Variants in GRM7 observed in about 807,000 individuals in gnomAD.
GRM7 encodes the protein glutamate metabotropic receptor 7.
Under a neutral mutation model 84.5 loss-of-function variants are expected in GRM7, and 35 were observed. The ratio of observed to expected loss-of-function variants is 0.41; its 90% CI spans 0.32 to 0.55. The LOEUF is 0.55. Ranked by LOEUF, GRM7 falls within the 20% of genes least tolerant of loss-of-function variation. The pLI is 0.19. For missense variants in GRM7, 1,003 were observed against 1,194.6 expected, an observed-to-expected ratio of 0.84 and a Z score of 2.36; for synonymous variants, 487 against 455.1, an observed-to-expected ratio of 1.07 and a Z score of -0.89.
chr3:7,727,546 G>C (rs572722196), intron 9 of GRM7, among the ~76,000 whole-genome samples: 46 of 152,288 alleles, frequency 3.0e-4, no homozygotes, highest in Middle Eastern at 3.4e-3. Context: ...TGTAACTCCA[G>C]AGTTCTAGTG....
chr3:7,398,860 G>C (rs1695327920), intron 4 of GRM7, among the ~76,000 whole-genome samples: 1 of 151,994 alleles, frequency 6.6e-6, no homozygotes, highest in South Asian at 2.1e-4. Flanking sequence ...TAAGCTTTGA[G>C]ATTCTATGAT....
rs1174647125 is a variant in GRM7 at position 6,861,563 on chromosome 3, G to T, written c.175G>T (p.Ala59Ser). ...CCTCGGGGGGCTGTTCCCCGTGCAC[G>T]CCAAGGGTCCCAGCGGAGTGCCCTG... ...VTLGGLFPVH[A>S]KGPSGVPCGD... The change falls in exon 1 of 10, where the codon GCC becomes TCC. Residue 59 changes from alanine (A) to serine (S), a missense_variant. Transcript: ENST00000357716. This position sits in a 1 kb window ranked among gnomAD's most constrained non-coding sequence, Gnocchi z 6.4. 1.9e-6 allele frequency: 3 copies of T among 1,597,970 alleles called. No individual in the cohort carries two copies. The East Asian group carries it at 6.8e-5, about 36-fold the overall frequency.
intron 7 of GRM7, 73 bp downstream of exon 7, chr3:7,461,795 A>G (rs1440043739): frequency 7.7e-6 from 11 of 1,426,782 alleles, no homozygotes; most frequent in East Asian, 2.3e-5. Context: ...CAGTTATACA[A>G]ATGTTTCTTG....
At chr3:7,583,112 G>T (rs904817314) in intron 8 of GRM7, among the ~76,000 whole-genome samples, 8 of 152,158 alleles carry the variant, frequency 5.3e-5, no homozygotes, top group African/African-American at 1.9e-4. Flanking sequence ...AATCCACAAA[G>T]ACAAAGTCAA....
At chr3:7,707,262 A>T (rs527763887) in intron 9 of GRM7, among the ~76,000 whole-genome samples, 23 of 152,274 alleles carry the variant, frequency 1.5e-4, no homozygotes, top group African/African-American at 5.1e-4. Context: ...GAAGACTGAC[A>T]AAAAAGGAAG....
At chr3:7,435,902 C>T (rs1484603634) in intron 5 of GRM7, among the ~76,000 whole-genome samples, 1 of 129,614 alleles carries the variant, frequency 7.7e-6, no homozygotes, top group African/African-American at 2.9e-5. Flanking sequence ...TGGGGTTTTG[C>T]CATGTTAGCC....
chr3:7,005,321 T>A (rs1015754619), intron 1 of GRM7, among the ~76,000 whole-genome samples: 1 of 152,208 alleles, frequency 6.6e-6, no homozygotes, highest in Non-Finnish European at 1.5e-5. Context: ...TTGCTCTACC[T>A]CTATCCCCAG....
chr3:7,006,265 T>G (rs73128571), intron 1 of GRM7, among the ~76,000 whole-genome samples: 3,334 of 152,272 alleles, frequency 0.022, 113 homozygotes, highest in African/African-American at 0.077. Context: ...CTAATTAGAA[T>G]TCTTCTCTTA....
intron 9 of GRM7, among the ~76,000 whole-genome samples, chr3:7,737,578 C>A (rs1300342620): frequency 6.6e-6 from 1 of 152,088 alleles, no homozygotes; most frequent in Non-Finnish European, 1.5e-5. Context: ...ACTCACAGGA[C>A]TAGAATGGTT....
chr3:7,490,198 C>A (rs890411161), intron 7 of GRM7, among the ~76,000 whole-genome samples: 3 of 151,920 alleles, frequency 2.0e-5, no homozygotes, highest in Non-Finnish European at 2.9e-5. Context: ...TATTATTTTT[C>A]TTTTTTCTGA....
chr3:7,369,831 A>G (rs1694059500), intron 4 of GRM7, among the ~76,000 whole-genome samples: 1 of 152,186 alleles, frequency 6.6e-6, no homozygotes, highest in Non-Finnish European at 1.5e-5. Context: ...ATCCATGTGG[A>G]TCACTTGGAG....
At chr3:7,456,416 A>G (rs1483245663) in intron 6 of GRM7, among the ~76,000 whole-genome samples, 2 of 150,204 alleles carry the variant, frequency 1.3e-5, no homozygotes, top group Non-Finnish European at 3.0e-5. Context: ...TATCTTTAAA[A>G]CCTCATAATG....
chr3:7,070,565 C>G (rs1697834877), intron 1 of GRM7, among the ~76,000 whole-genome samples: 1 of 151,900 alleles, frequency 6.6e-6, no homozygotes, highest in Admixed American at 6.6e-5. Context: ...AGGATTTGTT[C>G]CTTTGATTTG....
In GRM7 at chr3:7,542,551, A is replaced by ATTT. The variant is rs35372177; in HGVS notation, c.1516-35856_1516-35854dup. ...AATTCCCTGAGTTTCATGCATAGCAATTTTTTTTTTTTTTTTTGACAGAGT... is the reference window on the plus strand; with the variant it reads ...AATTCCCTGAGTTTCATGCATAGCAATTTTTTTTTTTTTTTTTTTTGACAGAGT... On this transcript the variant is annotated intron_variant, in intron 7 of 9. Coordinates refer to ENST00000357716, the MANE Select transcript of GRM7 (RefSeq NM_000844.4). Among the ~76,000 whole-genome samples, 784 of 136,708 alleles carry ATTT rather than the reference A, an allele frequency of 5.7e-3. 7 individuals are homozygous for ATTT. The highest frequency in any genetic ancestry group is 0.016 in the East Asian group (76 of 4,660). The allele number at this position is 136,708 out of a possible 152,430, so 89.7% of individuals were successfully genotyped here.
chr3:7,424,287 C>A (rs1169535501), intron 5 of GRM7, among the ~76,000 whole-genome samples: 3 of 150,948 alleles, frequency 2.0e-5, no homozygotes, highest in Non-Finnish European at 4.4e-5. Flanking sequence ...TTTTGGCCTT[C>A]GTTTAAAACC....
chr3:7,561,373 GAAAAT>G, intron 7 of GRM7: 1 of 337,936 alleles, frequency 3.0e-6, no homozygotes, highest in Non-Finnish European at 6.0e-6. Context: ...TTGAGGGAAA[GAAAAT>G]AGGTGTTTCT....
chr3:7,217,250 A>G, intron 2 of GRM7, among the ~76,000 whole-genome samples: 1 of 152,180 alleles, frequency 6.6e-6, no homozygotes, highest in East Asian at 1.9e-4. Context: ...GATTCAGGCA[A>G]ATTATAGTTT....
At chr3:7,043,919 A>G (rs1030978489) in intron 1 of GRM7, among the ~76,000 whole-genome samples, 3 of 152,154 alleles carry the variant, frequency 2.0e-5, no homozygotes, top group Non-Finnish European at 4.4e-5. Context: ...GGCTCAAGTG[A>G]TCTTCCTGCC....
intron 4 of GRM7, among the ~76,000 whole-genome samples, chr3:7,350,178 T>G (rs771232379): frequency 1.3e-5 from 2 of 152,116 alleles, no homozygotes; most frequent in African/African-American, 2.4e-5. Context: ...TCCACATATA[T>G]GACCATATAC....
Sources: gnomAD v4.1 joint callset for allele counts (sites outside exome capture counted in the v4.1 genomes callset) on GRCh38, gnomAD v4.1.1 for gene constraint, Gnocchi (gnomAD v3.1) non-coding constraint, MANE v1.5 for transcripts, NCBI Gene and HGNC (gene_info 2026-07-23, HGNC 2026-07-21) for gene names.